The following DNAH3 variants were observed in gnomAD, a reference collection of about 807,000 sequenced individuals.
DNAH3 encodes dynein axonemal heavy chain 3.
A neutral mutation model predicts 432.5 loss-of-function variants in DNAH3; 332 were observed. The ratio of observed to expected loss-of-function variants is 0.77; its 90% CI spans 0.70 to 0.84. The LOEUF is 0.84. DNAH3 is among the 40% of genes least tolerant of loss of function. The pLI, the probability that DNAH3 is intolerant of heterozygous loss-of-function variation, is 0.00. For synonymous variants in DNAH3, 1,956 were observed against 1,900.2 expected, an observed-to-expected ratio of 1.03 and a Z score of -0.76; for missense variants, 4,861 against 5,114.0, an observed-to-expected ratio of 0.95 and a Z score of 1.51.
At chr16:21,096,627 A>T (rs573791967) in intron 18 of DNAH3, among the ~76,000 whole-genome samples, 1 of 152,098 alleles carries the variant, frequency 6.6e-6, no homozygotes, top group Non-Finnish European at 1.5e-5. Context: ...CCTCAAACTC[A>T]ATGTATTCAA....
chr16:20,973,691 C>CA (rs2085448293), intron 51 of DNAH3, among the ~76,000 whole-genome samples: 4 of 152,234 alleles, frequency 2.6e-5, no homozygotes, highest in African/African-American at 9.6e-5. Context: ...GAACGTAGGT[C>CA]AAGCCCTTAC....
At chr16:21,102,990 C>A (rs989019398) in intron 16 of DNAH3, among the ~76,000 whole-genome samples, 1 of 151,804 alleles carries the variant, frequency 6.6e-6, no homozygotes, top group Non-Finnish European at 1.5e-5. Context: ...CTCGGCCTCC[C>A]AAAGTGCTGA....
exon 7 of DNAH3, chr16:21,134,418 C>A: frequency 6.2e-7 from 1 of 1,614,076 alleles, no homozygotes; most frequent in Non-Finnish European, 8.5e-7. Flanking sequence ...AATAAAGAGC[C>A]GTTTTCTCTC....
chr16:21,106,420 G>A, intron 15 of DNAH3, 70 bp downstream of exon 15: 1 of 1,198,912 alleles, frequency 8.3e-7, no homozygotes, highest in Admixed American at 2.7e-5. Context: ...TATTTGAAAT[G>A]TTATATATAC....
At chr16:21,013,284 C>A (rs1597139149) in intron 41 of DNAH3, among the ~76,000 whole-genome samples, 1 of 151,740 alleles carries the variant, frequency 6.6e-6, no homozygotes, top group Admixed American at 6.6e-5. Flanking sequence ...AATCCCAGCA[C>A]TTTAGGAAGG....
At chr16:21,017,844 CATA>C (rs1167765843) in intron 41 of DNAH3, among the ~76,000 whole-genome samples, 1 of 152,038 alleles carries the variant, frequency 6.6e-6, no homozygotes, top group African/African-American at 2.4e-5. Flanking sequence ...TATTATGAAA[CATA>C]ATAATGTTTC....
rs575311939 is a variant in DNAH3, at chr16:20,977,445, C to T, written c.8076+1885G>A. 3.3e-5 allele frequency among the ~76,000 whole-genome samples: 5 copies of T among 152,246 alleles called. No individual in the cohort carries two copies. The East Asian group carries it at 9.6e-4, about 29-fold the overall frequency. On this transcript the variant is annotated intron_variant, in intron 50 of 61. Transcript: ENST00000261383. ...TTCCTGATGCAGAGCTAGAATTACC[C>T]CCCTGAAGTTTGCACTCACTGGTCA...
chr16:21,030,192 C>T lies in DNAH3; in HGVS notation c.5439+853G>A, dbSNP rs181529163. On this transcript the variant is annotated intron_variant, in intron 37 of 61. Coordinates refer to ENST00000261383, the Ensembl canonical transcript of DNAH3. The stretch of plus-strand genomic sequence containing the variant: ...GAGGTGAAGTCTATTTTTCCACTTC[C>T]TGGTCAGGCCTTGTGAGTTCCTTGA... Among the ~76,000 whole-genome samples, 6 of 152,278 alleles carry T rather than the reference C, an allele frequency of 3.9e-5. No individual in the cohort carries two copies. The East Asian group carries it at 1.2e-3, about 29-fold the overall frequency.
At chr16:21,136,404 C>T in exon 6 of DNAH3, 2 of 1,614,092 alleles carry the variant, frequency 1.2e-6, no homozygotes, top group South Asian at 1.1e-5. Flanking sequence ...CAGGAAGGGA[C>T]TCGTCAGCAG....
intron 24 of DNAH3, among the ~76,000 whole-genome samples, chr16:21,063,585 C>T (rs192221744): frequency 1.3e-5 from 2 of 148,604 alleles, no homozygotes; most frequent in African/African-American, 5.0e-5. Flanking sequence ...CTCTGTCACC[C>T]GGCCTGGAGT....
intron 1 of DNAH3, among the ~76,000 whole-genome samples, chr16:21,151,077 G>C (rs1446082460): frequency 6.6e-6 from 1 of 152,184 alleles, no homozygotes; most frequent in Non-Finnish European, 1.5e-5. Flanking sequence ...AAAGCACAGA[G>C]TATGGTGGTT....
At chr16:21,000,153 C>T (rs1216650418) in intron 43 of DNAH3, 71 bp downstream of exon 43, 25 of 1,524,178 alleles carry the variant, frequency 1.6e-5, no homozygotes, top group Non-Finnish European at 2.0e-5. Flanking sequence ...GCACCACAAG[C>T]AGAAGCTATA....
intron 20 of DNAH3, among the ~76,000 whole-genome samples, chr16:21,075,881 A>C (rs2090955864): frequency 7.5e-6 from 1 of 132,888 alleles, no homozygotes; most frequent in Non-Finnish European, 1.5e-5. Flanking sequence ...TCACCACTGC[A>C]CTCCACTCTG....
intron 33 of DNAH3, among the ~76,000 whole-genome samples, chr16:21,038,256 T>C (rs931185590): frequency 6.6e-6 from 1 of 152,246 alleles, no homozygotes; most frequent in Admixed American, 6.5e-5. Context: ...ATCTCAGCAC[T>C]TTGGGAGGCT....
intron 12 of DNAH3, among the ~76,000 whole-genome samples, chr16:21,112,470 C>A (rs2092098446): frequency 6.6e-6 from 1 of 152,032 alleles, no homozygotes; most frequent in Non-Finnish European, 1.5e-5. Context: ...GCAAAAGACA[C>A]GTCTTACATG....
At chr16:21,006,971 C>T (rs2087336694) in intron 41 of DNAH3, among the ~76,000 whole-genome samples, 1 of 152,302 alleles carries the variant, frequency 6.6e-6, no homozygotes, top group South Asian at 2.1e-4. Flanking sequence ...TTGTGTTTAA[C>T]TTTGGAGGAA....
At chr16:20,985,436 C>A in exon 48 of DNAH3, 2 of 1,614,212 alleles carry the variant, frequency 1.2e-6, no homozygotes, top group Non-Finnish European at 1.7e-6. Context: ...CCGCTGCCCC[C>A]TATGCCCACC....
exon 48 of DNAH3, chr16:20,985,381 T>A (rs371375684): frequency 1.9e-6 from 3 of 1,614,126 alleles, no homozygotes; most frequent in Non-Finnish European, 2.5e-6. Context: ...CTGGTATAGC[T>A]CGTATGCGTT....
At chr16:20,949,120 G>A (rs572276225) in intron 56 of DNAH3, among the ~76,000 whole-genome samples, 11 of 152,012 alleles carry the variant, frequency 7.2e-5, no homozygotes, top group African/African-American at 2.4e-4. Context: ...CTGGACACTG[G>A]ACAAGAGCTT....
Sources: allele counts gnomAD v4.1 joint callset (sites outside exome capture counted in the v4.1 genomes callset), GRCh38; gene constraint gnomAD v4.1.1; transcripts MANE v1.5; gene names NCBI Gene and HGNC (gene_info 2026-07-23, HGNC 2026-07-21).